The following FAM53B variants were observed in gnomAD, a reference collection of about 807,000 sequenced individuals.
FAM53B encodes family with sequence similarity 53 member B, also known as protein FAM53B.
A neutral mutation model predicts 32.7 loss-of-function variants in FAM53B; 12 were observed. The observed-to-expected ratio is 0.37, with a 90% confidence interval of 0.24 to 0.59. The LOEUF is 0.59. Ranked by LOEUF, FAM53B falls within the 20% of genes least tolerant of loss-of-function variation. FAM53B has a pLI of 0.72. For synonymous variants in FAM53B, 234 were observed against 228.7 expected, an observed-to-expected ratio of 1.02 and a Z score of -0.21; for missense variants, 477 against 577.7, an observed-to-expected ratio of 0.83 and a Z score of 1.79.
chr10:124,731,332 G>A (rs564233951), intron 1 of FAM53B, among the ~76,000 whole-genome samples: 29 of 152,304 alleles, frequency 1.9e-4, no homozygotes, highest in Non-Finnish European at 3.4e-4. Flanking sequence ...CCAGTCCACA[G>A]ATGAGAAAAT....
intron 1 of FAM53B, among the ~76,000 whole-genome samples, chr10:124,720,299 G>A (rs1950061653): frequency 1.0e-5 from 1 of 100,254 alleles, no homozygotes; most frequent in Non-Finnish European, 2.4e-5. Context: ...GTGAGACCTC[G>A]TCTTGACAAA....
chr10:124,701,079 T>C (rs1357986748), intron 2 of FAM53B, among the ~76,000 whole-genome samples: 1 of 152,220 alleles, frequency 6.6e-6, no homozygotes, highest in East Asian at 1.9e-4. Flanking sequence ...GCAGGCCCCT[T>C]GGTATCTCTG....
chr10:124,664,072 C>G (rs1949650692), intron 4 of FAM53B, among the ~76,000 whole-genome samples: 1 of 152,154 alleles, frequency 6.6e-6, no homozygotes, highest in African/African-American at 2.4e-5. Flanking sequence ...CAGGTTCACA[C>G]AGCACCAGGC....
intron 1 of FAM53B, among the ~76,000 whole-genome samples, chr10:124,710,083 A>G (rs1010224382): frequency 6.6e-6 from 1 of 152,238 alleles, no homozygotes; most frequent in Non-Finnish European, 1.5e-5. Context: ...TCGGACTTGG[A>G]GTATGGGAAC....
At chr10:124,624,979 C>A (rs1949336995) in intron 4 of FAM53B, among the ~76,000 whole-genome samples, 1 of 152,196 alleles carries the variant, frequency 6.6e-6, no homozygotes, top group Non-Finnish European at 1.5e-5. Flanking sequence ...TTCTTCCCAG[C>A]AGATGGGTGG....
intron 4 of FAM53B, chr10:124,667,170 T>C: frequency 7.5e-6 from 4 of 536,268 alleles, no homozygotes; most frequent in South Asian, 2.3e-5. Context: ...CTGAAACCAG[T>C]AAGAAAAAAG....
At chr10:124,655,481 G>A (rs1949583963) in intron 4 of FAM53B, among the ~76,000 whole-genome samples, 1 of 151,982 alleles carries the variant, frequency 6.6e-6, no homozygotes, top group Non-Finnish European at 1.5e-5. Flanking sequence ...GACGATACCA[G>A]CAGGAAACAC....
intron 4 of FAM53B, among the ~76,000 whole-genome samples, chr10:124,634,208 A>G (rs1949411355): frequency 6.6e-6 from 1 of 152,266 alleles, no homozygotes; most frequent in African/African-American, 2.4e-5. Flanking sequence ...GTACAACAGA[A>G]TATTATTTGG....
Position 124,621,542 on chromosome 10 carries a change from C to A in FAM53B, c.*1700G>T, listed in dbSNP as rs754844539. 2.6e-5 allele frequency: 4 copies of A among 152,168 alleles called. No individual in the cohort carries two copies. Among genetic ancestry groups the A allele is most frequent in the Admixed American group, 6.5e-5 (1 of 15,284 alleles). 9.4% of individuals were successfully genotyped at this position (152,168 alleles called of 1,614,324 possible). The stretch of plus-strand genomic sequence containing the variant: ...CACCTGAGCTAGCAACACCATCTCT[C>A]AGGGCTGTGGGGCTGGGGGCTTTCT... On this transcript the variant is annotated 3_prime_UTR_variant, in exon 5 of 5. Coordinates refer to ENST00000337318, the MANE Select transcript of FAM53B (RefSeq NM_014661.4).
chr10:124,679,083 C>T (rs1189463640), intron 4 of FAM53B, among the ~76,000 whole-genome samples: 3 of 152,328 alleles, frequency 2.0e-5, no homozygotes, highest in South Asian at 2.1e-4. Context: ...GCTCTCACCC[C>T]CAAAGGCGAA....
rs891920595 is a variant in FAM53B, at chr10:124,661,060, A to T, written c.906+20547T>A. Among the ~76,000 whole-genome samples the T allele has an allele frequency of 3.3e-4, 19 of 58,222 alleles. No individual in the cohort carries two copies. The East Asian group carries it at 7.8e-3, about 24-fold the overall frequency. The allele number at this position is 58,222 out of a possible 152,430, so 38.2% of individuals were successfully genotyped here. A position where few individuals can be genotyped will look rare whatever the true frequency, so the allele number is the denominator to read the frequency against. ...TACCCCAAAAGCTACTGAAATTAAA[A>T]AAAAAAAAAAAAAAAAACAGGCAAT... On this transcript the variant is annotated intron_variant, in intron 4 of 4. Coordinates refer to ENST00000337318, the MANE Select transcript of FAM53B (RefSeq NM_014661.4).
At chr10:124,694,160 C>A (rs892177745) in intron 3 of FAM53B, among the ~76,000 whole-genome samples, 4 of 152,224 alleles carry the variant, frequency 2.6e-5, no homozygotes, top group African/African-American at 9.6e-5. Context: ...CTGGCACTGT[C>A]CCACAGAGCA....
chr10:124,744,024 G>A lies in FAM53B; in HGVS notation c.-186C>T, dbSNP rs1396469769. 6.8e-6 allele frequency: 1 copy of A among 147,612 alleles called. No individual in the cohort carries two copies. The highest frequency in any genetic ancestry group is 1.5e-5 in the Non-Finnish European group (1 of 66,220). The allele number at this position is 147,612 out of a possible 1,614,324, so 9.1% of individuals were successfully genotyped here. A position where few individuals can be genotyped will look rare whatever the true frequency, so the allele number is the denominator to read the frequency against. On this transcript the variant is annotated 5_prime_UTR_variant, in exon 1 of 5. Coordinates refer to ENST00000337318, the MANE Select transcript of FAM53B (RefSeq NM_014661.4). Reference sequence around the variant, plus strand: ...CCCGGGTCGCTTACTGTGCGCGGCGGGGCGCTCCGGGCGCGGACCCCGCGC... The same window carrying A: ...CCCGGGTCGCTTACTGTGCGCGGCGAGGCGCTCCGGGCGCGGACCCCGCGC...
chr10:124,692,139 C>T (rs761657846), intron 3 of FAM53B, among the ~76,000 whole-genome samples: 4 of 152,220 alleles, frequency 2.6e-5, no homozygotes, highest in Admixed American at 6.5e-5. Flanking sequence ...AAACAGCCTC[C>T]GCTGGCAGGA....
At chr10:124,743,569 G>A (rs1160828589) in intron 1 of FAM53B, among the ~76,000 whole-genome samples, 1 of 152,194 alleles carries the variant, frequency 6.6e-6, no homozygotes, top group East Asian at 1.9e-4. Context: ...CAAACGATGC[G>A]GGAACTTCGG....
At chr10:124,694,530 G>C (rs1949856048) in intron 3 of FAM53B, among the ~76,000 whole-genome samples, 1 of 152,198 alleles carries the variant, frequency 6.6e-6, no homozygotes, top group South Asian at 2.1e-4. Context: ...TTGAAATAAA[G>C]ACCAACATCT....
Position 124,642,445 on chromosome 10 carries a change from G to A in FAM53B, c.907-18841C>T, listed in dbSNP as rs3781465. Reference sequence around the variant, plus strand: ...CTCTACCAAAACAGAAGGGCAGCCCGGCATAGCCCAGATGTCACCTTCTCA... The same window carrying A: ...CTCTACCAAAACAGAAGGGCAGCCCAGCATAGCCCAGATGTCACCTTCTCA... On this transcript the variant is annotated intron_variant, in intron 4 of 4. Transcript: ENST00000337318. Among the ~76,000 whole-genome samples, 27 of 152,344 alleles carry A rather than the reference G, an allele frequency of 1.8e-4. No individual in the cohort carries two copies. In the East Asian group the frequency reaches 4.8e-3, roughly 27 times the overall value.
At chr10:124,697,627 C>G (rs903028974) in intron 2 of FAM53B, among the ~76,000 whole-genome samples, 6 of 152,094 alleles carry the variant, frequency 3.9e-5, no homozygotes, top group Non-Finnish European at 7.4e-5. Flanking sequence ...AGACAAACCA[C>G]AGGGAGATCA....
At chr10:124,685,183 G>C (rs1253794403) in intron 3 of FAM53B, among the ~76,000 whole-genome samples, 1 of 152,226 alleles carries the variant, frequency 6.6e-6, no homozygotes. Context: ...GTAAAGGTAA[G>C]AAAGAAATAA....
Sources: allele counts gnomAD v4.1 joint callset (sites outside exome capture counted in the v4.1 genomes callset), GRCh38; gene constraint gnomAD v4.1.1; transcripts MANE v1.5; gene names NCBI Gene and HGNC (gene_info 2026-07-23, HGNC 2026-07-21).